BACE2: variants seen among roughly 807,000 people sequenced by gnomAD.
BACE2 encodes the protein beta-secretase 2, also known as 56 kDa aspartic-like protease.
Under a neutral mutation model 46.2 loss-of-function variants are expected in BACE2, and 17 were observed. The ratio of observed to expected loss-of-function variants is 0.37; its 90% confidence interval spans 0.25 to 0.55. The LOEUF (loss-of-function observed/expected upper bound fraction) is 0.55. Ranked by LOEUF, BACE2 falls within the 20% of genes least tolerant of loss-of-function variation. The probability of loss-of-function intolerance (pLI) is 0.82; values close to 1 mark genes in which losing one functional copy is unlikely to be tolerated. For synonymous variants in BACE2, 277 were observed against 295.9 expected, an observed-to-expected ratio of 0.94 and a Z score of 0.66; for missense variants, 595 against 698.1, an observed-to-expected ratio of 0.85 and a Z score of 1.66.
Position 41,275,729 on chromosome 21 carries a change from C to T in BACE2, c.*105C>T, listed in dbSNP as rs1306377028. Reference sequence around the variant, plus strand: ...GGTGGCGCTTTCTCCTGTGCCCACCCGTCTTCAATCTCTGTTCTGCTCCCA... The same window carrying T: ...GGTGGCGCTTTCTCCTGTGCCCACCTGTCTTCAATCTCTGTTCTGCTCCCA... On this transcript the variant is annotated 3_prime_UTR_variant, in exon 9 of 9. Coordinates refer to ENST00000330333, the MANE Select transcript of BACE2 (RefSeq NM_012105.5). 6.7e-6 allele frequency: 9 copies of T among 1,351,692 alleles called. No homozygotes were observed. The highest frequency in any genetic ancestry group is 2.8e-5 in the South Asian group (2 of 72,090). The allele number at this position is 1,351,692 out of a possible 1,614,324, so 83.7% of individuals were successfully genotyped here. A position where few individuals can be genotyped will look rare whatever the true frequency, so the allele number is the denominator to read the frequency against.
At chr21:41,243,353 C>T (rs1273995670) in intron 4 of BACE2, 23 bp from the exon 5 acceptor site, 1 of 1,568,174 alleles carries the variant, frequency 6.4e-7, no homozygotes, top group Non-Finnish European at 8.6e-7. Flanking sequence ...TTCTCTTATA[C>T]CTGTAAATAT....
At chr21:41,238,365 G>C (rs2123596154) in intron 3 of BACE2, among the ~76,000 whole-genome samples, 1 of 152,282 alleles carries the variant, frequency 6.6e-6, no homozygotes, top group South Asian at 2.1e-4. Context: ...ATTTGTACTT[G>C]GGGCCTACCC....
chr21:41,206,058 C>T (rs1374890636), intron 1 of BACE2, among the ~76,000 whole-genome samples: 8 of 152,134 alleles, frequency 5.3e-5, no homozygotes, highest in Admixed American at 3.9e-4. Flanking sequence ...AATGGATAAA[C>T]AAAATTCTGG....
At chr21:41,225,390 C>T (rs1026927727) in intron 1 of BACE2, 8 of 152,102 alleles carry the variant, frequency 5.3e-5, no homozygotes, top group African/African-American at 1.4e-4. Context: ...AACTCAAGGG[C>T]CCGTCGAAAG....
At chr21:41,194,369 A>G (rs556839185) in intron 1 of BACE2, among the ~76,000 whole-genome samples, 29 of 152,280 alleles carry the variant, frequency 1.9e-4, no homozygotes, top group African/African-American at 6.5e-4. Context: ...TAACCTGACC[A>G]TATCAGCTGG....
chr21:41,177,839 C>T (rs540087176), intron 1 of BACE2: 3 of 152,628 alleles, frequency 2.0e-5, no homozygotes, highest in East Asian at 1.9e-4. Context: ...ATCCTGTCCT[C>T]TGACTGCAAA....
chr21:41,213,802 G>T (rs1226085403), intron 1 of BACE2, among the ~76,000 whole-genome samples: 2 of 152,028 alleles, frequency 1.3e-5, no homozygotes, highest in African/African-American at 4.8e-5. Flanking sequence ...CTTTGTCTGG[G>T]CAGGGCCCGG....
intron 1 of BACE2, among the ~76,000 whole-genome samples, chr21:41,220,375 T>C (rs1027449684): frequency 4.6e-5 from 7 of 152,084 alleles, no homozygotes; most frequent in African/African-American, 1.7e-4. Context: ...CTCCCCAAGG[T>C]TGGGGGTGGG....
chr21:41,181,759 G>A (rs1187564688), intron 1 of BACE2: 2 of 167,098 alleles, frequency 1.2e-5, no homozygotes, highest in African/African-American at 2.4e-5. Context: ...ATTTTGGGGT[G>A]CTATGGTTAG....
intron 7 of BACE2, among the ~76,000 whole-genome samples, chr21:41,254,990 G>A (rs1028701381): frequency 1.6e-4 from 24 of 152,220 alleles, no homozygotes; most frequent in African/African-American, 4.3e-4. Flanking sequence ...TGAGTTGGGC[G>A]AGGGAGTGAT....
chr21:41,253,414 C>T (rs1376435174), intron 7 of BACE2, among the ~76,000 whole-genome samples: 3 of 149,160 alleles, frequency 2.0e-5, no homozygotes, highest in African/African-American at 7.4e-5. Context: ...TGCACTCCAG[C>T]CTGGACGACA....
At chr21:41,257,433 T>G in intron 8 of BACE2, 107 bp downstream of exon 8, 1 of 1,269,402 alleles carries the variant, frequency 7.9e-7, no homozygotes, top group Non-Finnish European at 1.1e-6. Context: ...TTGAATTGTT[T>G]CACTCATTCC....
intron 3 of BACE2, among the ~76,000 whole-genome samples, chr21:41,238,034 T>C (rs1195383618): frequency 6.6e-6 from 1 of 152,164 alleles, no homozygotes; most frequent in Non-Finnish European, 1.5e-5. Context: ...TGTTTAGGAG[T>C]TTTTACTAAG....
chr21:41,199,646 A>AAAAGCCAGTGCATGGATCCCAC (rs1985883114), intron 1 of BACE2, among the ~76,000 whole-genome samples: 1 of 152,108 alleles, frequency 6.6e-6, no homozygotes, highest in Non-Finnish European at 1.5e-5. Context: ...AGGGCAAGAG[A>AAAAGCCAGTGCATGGATCCCAC]AAAGCCAGTG....
chr21:41,260,748 C>G (rs1310162602), intron 8 of BACE2, among the ~76,000 whole-genome samples: 1 of 152,166 alleles, frequency 6.6e-6, no homozygotes, highest in African/African-American at 2.4e-5. Flanking sequence ...TGCCCCACTC[C>G]GTTGGTCGCA....
intron 2 of BACE2, among the ~76,000 whole-genome samples, chr21:41,229,329 C>T (rs559178403): frequency 1.1e-4 from 16 of 152,346 alleles, no homozygotes; most frequent in African/African-American, 3.8e-4. Flanking sequence ...TTTCTCTCAT[C>T]ATCTGTAGAT....
chr21:41,211,137 A>G (rs1018808362), intron 1 of BACE2, among the ~76,000 whole-genome samples: 5 of 151,910 alleles, frequency 3.3e-5, no homozygotes, highest in Admixed American at 2.0e-4. Flanking sequence ...ACATTCCAGA[A>G]TCAGGCAGCC....
intron 6 of BACE2, among the ~76,000 whole-genome samples, chr21:41,247,972 G>A (rs1419885941): frequency 6.6e-6 from 1 of 152,188 alleles, no homozygotes; most frequent in Non-Finnish European, 1.5e-5. Flanking sequence ...GGGGAGGGCT[G>A]GCTTCAGAGA....
chr21:41,245,377 G>T (rs184385848), intron 5 of BACE2, among the ~76,000 whole-genome samples: 56 of 152,308 alleles, frequency 3.7e-4, no homozygotes, highest in African/African-American at 1.3e-3. Flanking sequence ...TTGGCCACTG[G>T]TGTCCATTCT....
Sources: allele counts gnomAD v4.1 joint callset (sites outside exome capture counted in the v4.1 genomes callset), GRCh38; gene constraint gnomAD v4.1.1; transcripts MANE v1.5; gene names NCBI Gene and HGNC (gene_info 2026-07-23, HGNC 2026-07-21).